CSMD1: variants seen among roughly 807,000 people sequenced by gnomAD.
The protein encoded by CSMD1 is CUB and Sushi multiple domains 1.
Under a neutral mutation model 417.5 loss-of-function variants are expected in CSMD1, and 213 were observed. The observed-to-expected ratio is 0.51, with a 90% CI of 0.46 to 0.57. CSMD1 has a LOEUF of 0.57. CSMD1 is among the 20% of genes least tolerant of loss of function. The probability of loss-of-function intolerance (pLI) is 0.00; values close to 1 mark genes in which losing one functional copy is unlikely to be tolerated. For synonymous variants in CSMD1, 2,862 were observed against 1,736.8 expected (o/e 1.65, Z -16.11); for missense variants, 6,923 against 4,529.7 (o/e 1.53, Z -15.17).
In CSMD1 at chr8:3,463,859, A is replaced by G. The variant is rs529516041; in HGVS notation, c.1561+4853T>C. The stretch of plus-strand genomic sequence containing the variant: ...AACCATCTCCTACATTCCTGTATTC[A>G]GTACAACACACAGCCTCACTTCCCC... On this transcript the variant is annotated intron_variant, in intron 12 of 69. Coordinates refer to ENST00000635120, the MANE Select transcript of CSMD1 (RefSeq NM_033225.6). 3.3e-5 allele frequency among the ~76,000 whole-genome samples: 5 copies of G among 152,324 alleles called. No individual in the cohort carries two copies. In the East Asian group the frequency reaches 9.7e-4, roughly 29 times the overall value.
At chr8:4,158,920 T>A (rs1384909711) in intron 3 of CSMD1, among the ~76,000 whole-genome samples, 1 of 152,188 alleles carries the variant, frequency 6.6e-6, no homozygotes, top group Admixed American at 6.5e-5. Context: ...TTTCTATAAT[T>A]ATTATTTGTT....
intron 3 of CSMD1, among the ~76,000 whole-genome samples, chr8:4,185,944 C>T (rs1227126188): frequency 3.3e-5 from 5 of 152,268 alleles, no homozygotes; most frequent in Admixed American, 2.6e-4. Flanking sequence ...ATACTTTCAG[C>T]TTAAGGTCTA....
intron 26 of CSMD1, among the ~76,000 whole-genome samples, chr8:3,274,414 G>C (rs1412328624): frequency 6.6e-6 from 1 of 152,134 alleles, no homozygotes; most frequent in Non-Finnish European, 1.5e-5. Context: ...GTTGATTTGG[G>C]GTGGAGAGTT....
At chr8:3,989,394 C>A (rs2627382) in intron 5 of CSMD1, among the ~76,000 whole-genome samples, 112,457 of 152,102 alleles carry the variant, frequency 0.74, 41,673 homozygotes, top group East Asian at 0.79. Flanking sequence ...GAAAAAACGA[C>A]AGAGGACATT....
rs374493571 is a variant in CSMD1, at chr8:4,216,216, C to A, written c.416-184117G>T. Among the ~76,000 whole-genome samples, 11 of 152,256 alleles carry A rather than the reference C, an allele frequency of 7.2e-5. No homozygotes were observed. In the East Asian group the frequency reaches 1.9e-3, roughly 27 times the overall value. ...AACATTGCGATGGCCTTCTTCCTTC[C>A]CTGTTCCTGCACATGCCCTTTTTTT... On this transcript the variant is annotated intron_variant, in intron 3 of 69. Coordinates refer to ENST00000635120, the MANE Select transcript of CSMD1 (RefSeq NM_033225.6).
chr8:3,030,497 C>G (rs1431260798), intron 50 of CSMD1, among the ~76,000 whole-genome samples: 1 of 151,962 alleles, frequency 6.6e-6, no homozygotes, highest in East Asian at 1.9e-4. Context: ...GACAAAGTCT[C>G]GCTCTCTGTC....
chr8:3,337,058 G>A (rs979944622), intron 23 of CSMD1, among the ~76,000 whole-genome samples: 1 of 152,086 alleles, frequency 6.6e-6, no homozygotes, highest in Non-Finnish European at 1.5e-5. Context: ...AGCTGGGGTT[G>A]GCCAGGCCTT....
intron 3 of CSMD1, among the ~76,000 whole-genome samples, chr8:4,057,267 A>G (rs1458661175): frequency 6.6e-6 from 1 of 152,088 alleles, no homozygotes; most frequent in Non-Finnish European, 1.5e-5. Context: ...TTTGATTTGC[A>G]TTTCTCTGAT....
intron 2 of CSMD1, among the ~76,000 whole-genome samples, chr8:4,540,104 T>A (rs1484662810): frequency 6.6e-6 from 1 of 152,128 alleles, no homozygotes; most frequent in Non-Finnish European, 1.5e-5. Context: ...ACACCATATA[T>A]AAGCCCTATG....
intron 5 of CSMD1, among the ~76,000 whole-genome samples, chr8:3,963,309 C>G (rs1275349877): frequency 1.3e-5 from 2 of 152,150 alleles, no homozygotes; most frequent in African/African-American, 4.8e-5. Flanking sequence ...AAATCCATGG[C>G]TCTCACCCAG....
chr8:4,600,697 G>A (rs1391408393), intron 2 of CSMD1, among the ~76,000 whole-genome samples: 2 of 152,066 alleles, frequency 1.3e-5, no homozygotes, highest in African/African-American at 2.4e-5. Context: ...TAGGGGAATG[G>A]CATTCTTTTC....
chr8:4,041,094 G>C (rs1220873026), intron 3 of CSMD1, among the ~76,000 whole-genome samples: 3 of 138,866 alleles, frequency 2.2e-5, no homozygotes, highest in East Asian at 2.1e-4. Flanking sequence ...TCGGCTCACT[G>C]CAAGCTCCGC....
intron 3 of CSMD1, among the ~76,000 whole-genome samples, chr8:4,084,014 C>A (rs1487550014): frequency 6.6e-6 from 1 of 151,942 alleles, no homozygotes; most frequent in South Asian, 2.1e-4. Flanking sequence ...ACAAACAACC[C>A]CATCAAGAAG....
intron 1 of CSMD1, among the ~76,000 whole-genome samples, chr8:4,938,406 C>G (rs62488192): frequency 0.014 from 2,196 of 152,078 alleles, 46 homozygotes; most frequent in African/African-American, 0.049. Flanking sequence ...ACTCCATGCC[C>G]ACTTCTCATC....
At chr8:4,976,874 G>A (rs538045669) in intron 1 of CSMD1, among the ~76,000 whole-genome samples, 7 of 152,166 alleles carry the variant, frequency 4.6e-5, no homozygotes, top group African/African-American at 1.4e-4. Context: ...GAAATATAGA[G>A]GGACATTGCT....
intron 2 of CSMD1, among the ~76,000 whole-genome samples, chr8:4,622,916 C>T (rs747088528): frequency 7.9e-5 from 12 of 151,944 alleles, no homozygotes; most frequent in Non-Finnish European, 1.0e-4. Context: ...AGGAAGGTCA[C>T]GGAATACAGA....
intron 2 of CSMD1, among the ~76,000 whole-genome samples, chr8:4,611,660 G>A (rs907246434): frequency 6.6e-6 from 1 of 152,088 alleles, no homozygotes; most frequent in East Asian, 1.9e-4. Flanking sequence ...GAAAAAGTGT[G>A]TCTTGTGTTC....
chr8:3,973,901 G>A, intron 5 of CSMD1, among the ~76,000 whole-genome samples: 1 of 152,160 alleles, frequency 6.6e-6, no homozygotes, highest in Non-Finnish European at 1.5e-5. Context: ...TGGGTTACAT[G>A]AAATGTTTTG....
chr8:3,162,183 C>G lies in CSMD1; in HGVS notation c.5820G>C (p.Gln1940His), dbSNP rs568872453. 1.9e-6 allele frequency: 3 copies of G among 1,608,582 alleles called. No homozygotes were observed. Among genetic ancestry groups the G allele is most frequent in the Non-Finnish European group, 2.5e-6 (3 of 1,177,272 alleles). ...CCTGCAGGGTGTACCCGGGCTCGCA[C>G]TGGAAGGAGAGCACGTCGTTCACCA... ...RYMVNDVLSF[Q>H]CEPGYTLQGR... The change falls in exon 38 of 70, where the codon CAG (glutamine) becomes CAC (histidine). Residue 1940 changes from glutamine to histidine, a missense_variant. By Grantham distance (24) the Gln-to-His change is conservative. Transcript: ENST00000635120.
Sources: allele counts gnomAD v4.1 joint callset (sites outside exome capture counted in the v4.1 genomes callset), GRCh38; gene constraint gnomAD v4.1.1; transcripts MANE v1.5; gene names NCBI Gene and HGNC (gene_info 2026-07-23, HGNC 2026-07-21).